IRF1: variants seen among roughly 807,000 people sequenced by gnomAD.
The protein encoded by IRF1 is interferon regulatory factor-1.
In IRF1, 13 loss-of-function variants were observed where a neutral mutation model predicts 43.7. That is an observed-to-expected ratio of 0.30 (90% CI 0.19 to 0.47). IRF1 has a LOEUF of 0.47. Among genes scored for constraint, IRF1 ranks in the 20% least tolerant of loss-of-function variants. The pLI is 0.99. For synonymous variants in IRF1, 138 were observed against 146.8 expected (o/e 0.94, Z 0.43); for missense variants, 236 against 408.9 (o/e 0.58, Z 3.65).
chr5:132,485,331 C>T (rs1234067669), intron 8 of IRF1: 1 of 299,554 alleles, frequency 3.3e-6, no homozygotes, highest in Non-Finnish European at 6.4e-6. Flanking sequence ...TTATTGAAGC[C>T]TGATGTGCAT....
rs779783394 is a variant in IRF1, at chr5:132,487,150, AG to A, written c.188-21del. 6.2e-7 allele frequency: 1 copy of A among 1,611,350 alleles called. No individual in the cohort carries two copies. The highest frequency in any genetic ancestry group is 8.5e-7 in the Non-Finnish European group (1 of 1,177,722). On this transcript the variant is annotated intron_variant, in intron 3 of 9. Transcript: ENST00000245414. ...ATCGGCCTAGAGGGCAGGAGAAAAA[AG>A]AGGATCGTCAGGGCCATGGGTAGGG...
chr5:132,485,451 A>C, intron 8 of IRF1: 2 of 593,454 alleles, frequency 3.4e-6, no homozygotes, highest in South Asian at 3.7e-5. Flanking sequence ...GGCTTGCTTC[A>C]GGACGGCCTG....
At chr5:132,485,481 C>A (rs1394249893) in intron 8 of IRF1, 186 bp downstream of exon 8, 6 of 661,424 alleles carry the variant, frequency 9.1e-6, no homozygotes, top group Non-Finnish European at 1.7e-5. Flanking sequence ...AGGCCTCCCA[C>A]CTGCCTTCCC....
chr5:132,485,603 C>G (rs572717408), intron 8 of IRF1, 64 bp downstream of exon 8: 1 of 1,280,432 alleles, frequency 7.8e-7, no homozygotes, highest in African/African-American at 1.5e-5. Flanking sequence ...GGAAGCTTCA[C>G]TGGTTCTCTC....
chr5:132,485,029 C>T (rs1754482615), intron 8 of IRF1: 1 of 155,284 alleles, frequency 6.4e-6, no homozygotes, highest in Non-Finnish European at 1.4e-5. Context: ...TCTCCTGCCT[C>T]AGCCTTCAGA....
At position 132,482,808 on chromosome 5, in the gene IRF1, G is replaced by C. The variant is rs951923810; in HGVS notation, c.*1143C>G. On this transcript the variant is annotated 3_prime_UTR_variant, in exon 10 of 10. Coordinates refer to ENST00000245414, the MANE Select transcript of IRF1 (RefSeq NM_002198.3). ...TGGGATTACAAGCACCCGCAACCACGCCCAGCTAATTTTTGCATTTTTAGT... is the reference window on the plus strand; with the variant it reads ...TGGGATTACAAGCACCCGCAACCACCCCCAGCTAATTTTTGCATTTTTAGT... The C allele has an allele frequency of 1.3e-5, 2 of 148,570 alleles. No individual in the cohort carries two copies. Among genetic ancestry groups the C allele is most frequent in the African/African-American group, 5.0e-5 (2 of 40,238 alleles). The allele number at this position is 148,570 out of a possible 1,614,324, so 9.2% of individuals were successfully genotyped here.
chr5:132,488,117 C>T (rs1754590113), intron 2 of IRF1, 92 bp from the exon 3 acceptor site: 12 of 944,450 alleles, frequency 1.3e-5, no homozygotes, highest in Non-Finnish European at 1.7e-5. Flanking sequence ...CCCAGCCAGA[C>T]AGGTCTGAGA....
Position 132,486,554 on chromosome 5 carries a change from C to A in IRF1, c.544+3G>T. 1 of 1,613,954 alleles carries A rather than the reference C, an allele frequency of 6.2e-7. No homozygotes were observed. The highest frequency in any genetic ancestry group is 1.1e-5 in the South Asian group (1 of 91,036). ...GTCTCCTGCCAGACCTGGACCAGCT[C>A]ACCTGGAGTCAGGGCCTGCTCCACC... On this transcript the variant is annotated splice_donor_region_variant and intron_variant, in intron 6 of 9. Coordinates refer to ENST00000245414, the MANE Select transcript of IRF1 (RefSeq NM_002198.3).
At chr5:132,489,116 A>C (rs1330887012) in intron 2 of IRF1, 1 of 387,718 alleles carries the variant, frequency 2.6e-6, no homozygotes. Flanking sequence ...CTTAGAGGAG[A>C]GCAGAACTCC....
At position 132,488,081 on chromosome 5, in the gene IRF1, G is replaced by A; in HGVS notation, c.88-56C>T. 5 of 1,386,444 alleles carry A rather than the reference G, an allele frequency of 3.6e-6. No individual in the cohort carries two copies. The East Asian group carries it at 1.1e-4, about 32-fold the overall frequency. 85.9% of individuals were successfully genotyped at this position (1,386,444 alleles called of 1,614,324 possible). On this transcript the variant is annotated intron_variant, in intron 2 of 9. Transcript: ENST00000245414. The stretch of plus-strand genomic sequence containing the variant: ...TGTCAGGTCAGAGACCACAGACTTT[G>A]GGGCTGAGTCTGAGACCCAGGCCTG...
At chr5:132,489,328 T>C in intron 2 of IRF1, 64 bp downstream of exon 2, 1 of 1,234,296 alleles carries the variant, frequency 8.1e-7, no homozygotes, top group Non-Finnish European at 1.2e-6. Context: ...CATCTGAAGC[T>C]TTGGTCCCTC....
intron 7 of IRF1, 128 bp downstream of exon 7, chr5:132,486,123 A>G: frequency 7.6e-7 from 1 of 1,313,884 alleles, no homozygotes; most frequent in Non-Finnish European, 1.1e-6. Flanking sequence ...TATGGTGGCT[A>G]AGACTGGGCA....
At chr5:132,487,642 ACAG>A in intron 3 of IRF1, 1 of 478,164 alleles carries the variant, frequency 2.1e-6, no homozygotes, top group South Asian at 2.3e-5. Context: ...GCCCTGGCTT[ACAG>A]CTGCTTTTCA....
In IRF1 at chr5:132,486,348, G is replaced by A; in HGVS notation, c.570C>T (p.Ser190=). The change falls in exon 7 of 10, where the codon AGC becomes AGT. Residue 190 remains serine (S), a synonymous_variant. Transcript: ENST00000245414. ...CTGGGATGTGCCAGTCGGGGAGAGT[G>A]CTGCTGACAGCACATGGCGACAGTG... ...TPALSPCAVS[S]TLPDWHIPVE... is the part of the protein sequence containing the mutation. 1 of 1,612,618 alleles carries A rather than the reference G, an allele frequency of 6.2e-7. No individual in the cohort carries two copies. The highest frequency in any genetic ancestry group is 8.5e-7 in the Non-Finnish European group (1 of 1,180,000).
At chr5:132,489,578 TCA>T (rs1047684498) in intron 1 of IRF1, 95 bp from the exon 2 acceptor site, 23 of 886,998 alleles carry the variant, frequency 2.6e-5, no homozygotes, top group Non-Finnish European at 3.9e-5. Context: ...TACCCTCCCC[TCA>T]CCTCAGCCAG....
At chr5:132,486,869 C>T in intron 4 of IRF1, 25 bp from the exon 5 acceptor site, 1 of 1,614,164 alleles carries the variant, frequency 6.2e-7, no homozygotes, top group South Asian at 1.1e-5. Flanking sequence ...GGCTGTCAGC[C>T]TTGGTGCAGG....
intron 8 of IRF1, chr5:132,484,958 G>C (rs1412984518): frequency 6.4e-6 from 1 of 156,934 alleles, no homozygotes; most frequent in Non-Finnish European, 1.4e-5. Flanking sequence ...TGTTGCCCAG[G>C]CTGGAGTGCA....
intron 7 of IRF1, 100 bp downstream of exon 7, chr5:132,486,150 AT>A (rs772232953): frequency 6.7e-7 from 1 of 1,494,562 alleles, no homozygotes; most frequent in Non-Finnish European, 9.2e-7. Flanking sequence ...AACTCAATCA[AT>A]TCAGTGCCAG....
At chr5:132,486,515 C>T (rs1165723033) in intron 6 of IRF1, 42 bp downstream of exon 6, 1 of 1,613,384 alleles carries the variant, frequency 6.2e-7, no homozygotes. Flanking sequence ...AGAGTCATCC[C>T]ACTGACCTGT....
Sources: gnomAD v4.1 joint callset for allele counts on GRCh38, gnomAD v4.1.1 for gene constraint, MANE v1.5 for transcripts, NCBI Gene and HGNC (gene_info 2026-07-23, HGNC 2026-07-21) for gene names.